The following DERA variants were observed in gnomAD, a reference collection of about 807,000 sequenced individuals.
The protein encoded by DERA is deoxyribose-phosphate aldolase, also known as 2-deoxy-D-ribose 5-phosphate aldolase.
A neutral mutation model predicts 41.1 loss-of-function variants in DERA; 15 were observed. The ratio of observed to expected loss-of-function variants is 0.37; its 90% CI spans 0.24 to 0.56. The LOEUF (loss-of-function observed/expected upper bound fraction) is 0.56. Ranked by LOEUF, DERA falls within the 20% of genes least tolerant of loss-of-function variation. The probability of loss-of-function intolerance (pLI) is 0.81; values close to 1 mark genes in which losing one functional copy is unlikely to be tolerated. For missense variants in DERA, 396 were observed against 403.4 expected (o/e 0.98, Z 0.16); for synonymous variants, 139 against 137.4 (o/e 1.01, Z -0.08).
intron 5 of DERA, among the ~76,000 whole-genome samples, chr12:15,968,814 C>T (rs886306079): frequency 1.3e-5 from 2 of 152,232 alleles, no homozygotes. Flanking sequence ...TCTCCCTCCT[C>T]CTGCCCCGAT....
intron 6 of DERA, among the ~76,000 whole-genome samples, chr12:16,023,770 C>T (rs1476383746): frequency 1.3e-5 from 2 of 152,158 alleles, no homozygotes; most frequent in Non-Finnish European, 2.9e-5. Context: ...AGCCACCGCG[C>T]CCGGCCTCAA....
At chr12:15,980,747 G>A (rs545308572) in intron 5 of DERA, among the ~76,000 whole-genome samples, 1 of 152,062 alleles carries the variant, frequency 6.6e-6, no homozygotes, top group East Asian at 1.9e-4. Flanking sequence ...AACCTTCTGT[G>A]GGTACCATCT....
rs1209200461 is a variant in DERA, at chr12:15,990,734, A to C, written c.637+8298A>C. On this transcript the variant is annotated intron_variant, in intron 6 of 8. Transcript: ENST00000428559. This position sits in a 1 kb window ranked among gnomAD's most constrained non-coding sequence, Gnocchi z 4.3. ...TTTCTGTTCCCGTGTTAGTTTGCTA[A>C]GGATAATGGCCTCCAGCTCCATCCA... is the stretch of plus-strand genomic sequence containing the variant. 1.3e-5 allele frequency among the ~76,000 whole-genome samples: 2 copies of C among 152,194 alleles called. No homozygotes were observed. The highest frequency in any genetic ancestry group is 4.8e-5 in the African/African-American group (2 of 41,454).
chr12:15,934,302 A>G (rs1204708389), intron 1 of DERA, among the ~76,000 whole-genome samples: 1 of 152,130 alleles, frequency 6.6e-6, no homozygotes, highest in African/African-American at 2.4e-5. Flanking sequence ...AAGTTTTACA[A>G]TAGGCCCTGC....
rs1228701167 is a variant in DERA, at chr12:16,021,951, G to A, written c.638-10591G>A. ...GGACTTTAGACTTTGGCATTTTTGA[G>A]CTAAGGCTGGAACAAGTTAAGACTT... On this transcript the variant is annotated intron_variant, in intron 6 of 8. Coordinates refer to ENST00000428559, the MANE Select transcript of DERA (RefSeq NM_015954.4). The surrounding 1 kb of genome is among the most constrained non-coding windows in gnomAD (Gnocchi z 5.3). 6.6e-6 allele frequency among the ~76,000 whole-genome samples: 1 copy of A among 152,178 alleles called. No individual in the cohort carries two copies. Among genetic ancestry groups the A allele is most frequent in the Non-Finnish European group, 1.5e-5 (1 of 68,036 alleles).
chr12:15,944,608 C>A (rs1948433037), intron 1 of DERA, among the ~76,000 whole-genome samples: 2 of 152,112 alleles, frequency 1.3e-5, no homozygotes, highest in Admixed American at 1.3e-4. Context: ...TGTTTGAGTT[C>A]TTTGTATATT....
At chr12:16,032,916 C>T in intron 7 of DERA, 1 of 347,066 alleles carries the variant, frequency 2.9e-6, no homozygotes, top group Middle Eastern at 8.7e-4. Context: ...TAACCGAAGA[C>T]AATTTTGTCA....
Position 15,972,745 on chromosome 12 carries a change from G to A in DERA, c.509-9563G>A, listed in dbSNP as rs1948671647. ...CAGTCAGTACTGGGGACAGGGGAAA[G>A]TTGCTCACAACTCTCAGGAGAAGGG... On this transcript the variant is annotated intron_variant, in intron 5 of 8. Transcript: ENST00000428559. This position sits in a 1 kb window ranked among gnomAD's most constrained non-coding sequence, Gnocchi z 4.4. 2 of 152,764 alleles carry A rather than the reference G, an allele frequency of 1.3e-5. No individual in the cohort carries two copies. Among genetic ancestry groups the A allele is most frequent in the Admixed American group, 6.5e-5 (1 of 15,282 alleles). The allele number at this position is 152,764 out of a possible 1,614,324, so 9.5% of individuals were successfully genotyped here.
chr12:15,950,273 C>G (rs1948487656), intron 1 of DERA, among the ~76,000 whole-genome samples: 1 of 152,180 alleles, frequency 6.6e-6, no homozygotes, highest in Non-Finnish European at 1.5e-5. Context: ...TGATTATATG[C>G]TAAACAAAGG....
chr12:15,925,018 G>T (rs1948271834), intron 1 of DERA, among the ~76,000 whole-genome samples: 1 of 152,184 alleles, frequency 6.6e-6, no homozygotes, highest in Non-Finnish European at 1.5e-5. Context: ...AGGAAGCATT[G>T]CTCCCCTTGT....
chr12:16,018,729 G>T (rs920482395), intron 6 of DERA, among the ~76,000 whole-genome samples: 1 of 151,966 alleles, frequency 6.6e-6, no homozygotes, highest in Non-Finnish European at 1.5e-5. Context: ...GCTTTGAGTT[G>T]CCTTAGACCA....
chr12:15,927,653 C>T (rs991991199), intron 1 of DERA, among the ~76,000 whole-genome samples: 2 of 152,070 alleles, frequency 1.3e-5, no homozygotes, highest in African/African-American at 2.4e-5. Context: ...CATAGTCATA[C>T]GGCTAGCAAG....
intron 1 of DERA, among the ~76,000 whole-genome samples, chr12:15,912,828 G>T (rs924045511): frequency 6.6e-6 from 1 of 152,150 alleles, no homozygotes; most frequent in South Asian, 2.1e-4. Context: ...ATTTTTTGTC[G>T]AATGGTAAGA....
rs567023490 is a variant in DERA, at chr12:16,004,849, G to A, written c.637+22413G>A. On this transcript the variant is annotated intron_variant, in intron 6 of 8. Coordinates refer to ENST00000428559, the MANE Select transcript of DERA (RefSeq NM_015954.4). The surrounding 1 kb of genome is among the most constrained non-coding windows in gnomAD (Gnocchi z 4.2). ...TAGGAACCATTGATTTATAAAGATC[G>A]TCTGCATATGTGTGTTTCCTAGTTC... Among the ~76,000 whole-genome samples, 5 of 152,180 alleles carry A rather than the reference G, an allele frequency of 3.3e-5. No individual in the cohort carries two copies. Among genetic ancestry groups the A allele is most frequent in the East Asian group, 3.9e-4 (2 of 5,186 alleles).
rs1398538042 is a variant in DERA, at chr12:15,936,167, T to C, written c.32-20769T>C. ...TCTCCACTTGGTTACATAGGTCAGC[T>C]CTGTTAATTATGGAAGGGGCATGAA... On this transcript the variant is annotated intron_variant, in intron 1 of 8. Coordinates refer to ENST00000428559, the MANE Select transcript of DERA (RefSeq NM_015954.4). This position sits in a 1 kb window ranked among gnomAD's most constrained non-coding sequence, Gnocchi z 4.6. Among the ~76,000 whole-genome samples the C allele has an allele frequency of 6.6e-6, 1 of 152,232 alleles. No homozygotes were observed. Among genetic ancestry groups the C allele is most frequent in the East Asian group, 1.9e-4 (1 of 5,206 alleles).
At chr12:16,024,008 C>T (rs1485832822) in intron 6 of DERA, among the ~76,000 whole-genome samples, 2 of 152,174 alleles carry the variant, frequency 1.3e-5, no homozygotes, top group East Asian at 3.9e-4. Flanking sequence ...ATGAAGAATG[C>T]TTTTGATGGG....
rs1948397799 is a variant in DERA at position 15,940,015 on chromosome 12, A to G, written c.32-16921A>G. On this transcript the variant is annotated intron_variant, in intron 1 of 8. Coordinates refer to ENST00000428559, the MANE Select transcript of DERA (RefSeq NM_015954.4). The surrounding 1 kb of genome is among the most constrained non-coding windows in gnomAD (Gnocchi z 5.1). Reference sequence around the variant, plus strand: ...AGAGATCCAGGTATATTTCTGTTCCATAGGTTTCCTAATTTAATAAGAACA... The same window carrying G: ...AGAGATCCAGGTATATTTCTGTTCCGTAGGTTTCCTAATTTAATAAGAACA... Among the ~76,000 whole-genome samples, 1 of 152,234 alleles carries G rather than the reference A, an allele frequency of 6.6e-6. No homozygotes were observed. The highest frequency in any genetic ancestry group is 1.5e-5 in the Non-Finnish European group (1 of 68,048).
chr12:15,960,015 TTTAAA>T, intron 4 of DERA, 91 bp downstream of exon 4: 1 of 859,780 alleles, frequency 1.2e-6, no homozygotes, highest in Non-Finnish European at 1.7e-6. Context: ...TGTACTATGA[TTTAAA>T]TTAGTTTATG....
At position 15,915,815 on chromosome 12, in the gene DERA, G is replaced by A. The variant is rs1342504750; in HGVS notation, c.31+4401G>A. ...CTGTGAGGGAGATAGCATGATCCAG[G>A]TTTACACACGAGCAAACTGAGGTAC... On this transcript the variant is annotated intron_variant, in intron 1 of 8. Coordinates refer to ENST00000428559, the MANE Select transcript of DERA (RefSeq NM_015954.4). The surrounding 1 kb of genome is among the most constrained non-coding windows in gnomAD (Gnocchi z 4.8). Among the ~76,000 whole-genome samples the A allele has an allele frequency of 6.6e-6, 1 of 152,154 alleles. No homozygotes were observed. Among genetic ancestry groups the A allele is most frequent in the African/African-American group, 2.4e-5 (1 of 41,434 alleles).
Sources: allele counts gnomAD v4.1 joint callset (sites outside exome capture counted in the v4.1 genomes callset), GRCh38; gene constraint gnomAD v4.1.1; non-coding constraint Gnocchi (gnomAD v3.1); transcripts MANE v1.5; gene names NCBI Gene and HGNC (gene_info 2026-07-23, HGNC 2026-07-21).